The following GCN1 variants were observed in gnomAD, a reference collection of about 807,000 sequenced individuals.
GCN1 encodes GCN1 activator of EIF2AK4.
In GCN1, 90 loss-of-function variants were observed where a neutral mutation model predicts 288.4. The observed-to-expected ratio is 0.31, with a 90% CI of 0.26 to 0.37. GCN1 has a LOEUF of 0.37. Ranked by LOEUF, GCN1 falls within the 10% of genes least tolerant of loss-of-function variation. GCN1 has a pLI of 1.00. For synonymous variants in GCN1, 1,386 were observed against 1,420.2 expected (o/e 0.98, Z 0.54); for missense variants, 2,586 against 3,419.9 (o/e 0.76, Z 6.08).
chr12:120,176,068 T>G, intron 10 of GCN1, 75 bp downstream of exon 10: 1 of 1,297,208 alleles, frequency 7.7e-7, no homozygotes, highest in Non-Finnish European at 1.1e-6. Context: ...CCCCTACCCC[T>G]GCTACAACAA....
intron 11 of GCN1, among the ~76,000 whole-genome samples, chr12:120,175,530 TA>T (rs1878453237): frequency 6.6e-6 from 1 of 152,214 alleles, no homozygotes; most frequent in Non-Finnish European, 1.5e-5. Flanking sequence ...CAAAAATGTG[TA>T]TCTTAAAAAC....
At chr12:120,176,092 A>T in intron 10 of GCN1, 51 bp downstream of exon 10, 1 of 1,421,224 alleles carries the variant, frequency 7.0e-7, no homozygotes, top group Non-Finnish European at 1.0e-6. Context: ...GGACAAGTAC[A>T]ACCAAACCCA....
At chr12:120,141,392 A>G (rs1467889459) in intron 44 of GCN1, among the ~76,000 whole-genome samples, 1 of 152,184 alleles carries the variant, frequency 6.6e-6, no homozygotes, top group East Asian at 1.9e-4. Context: ...TTAAGGAAAA[A>G]AAAACATCTA....
Position 120,142,170 on chromosome 12 carries a change from TA to T in GCN1, c.5829+336del, listed in dbSNP as rs976515955. Among the ~76,000 whole-genome samples the T allele has an allele frequency of 4.6e-5, 7 of 151,576 alleles. No individual in the cohort carries two copies. Among genetic ancestry groups the T allele is most frequent in the Non-Finnish European group, 8.8e-5 (6 of 67,898 alleles). On this transcript the variant is annotated intron_variant, in intron 44 of 57. Coordinates refer to ENST00000300648, the MANE Select transcript of GCN1 (RefSeq NM_006836.2). The surrounding 1 kb of genome is among the most constrained non-coding windows in gnomAD (Gnocchi z 4.9). ...TGAAACCCCGTCTCTACTAAAAATATAAAAAAATGGCCAGGTGTGGTGGTGG... is the reference window on the plus strand; with the variant it reads ...TGAAACCCCGTCTCTACTAAAAATATAAAAAATGGCCAGGTGTGGTGGTGG...
intron 2 of GCN1, among the ~76,000 whole-genome samples, chr12:120,185,653 T>C (rs888087358): frequency 6.6e-6 from 1 of 152,092 alleles, no homozygotes; most frequent in African/African-American, 2.4e-5. Context: ...CCGGCTGGAG[T>C]GCAGTAGTGC....
intron 16 of GCN1, 131 bp downstream of exon 16, chr12:120,168,077 G>A (rs757099678): frequency 6.9e-4 from 470 of 685,284 alleles, no homozygotes; most frequent in Non-Finnish European, 1.1e-3. Flanking sequence ...CAACAGCTAA[G>A]CTGTTGGCCA....
At position 120,173,655 on chromosome 12, in the gene GCN1, C is replaced by T. The variant is rs909142137; in HGVS notation, c.1364G>A (p.Arg455Gln). Residue 455 changes from arginine to glutamine, a missense_variant and splice_region_variant, in exon 14 of 58, where the codon CGG becomes CAG. Around this residue, in one of 8 missense-constraint regions of GCN1, gnomAD observed 913 missense variants for 1,107.0 expected, o/e 0.82. Transcript: ENST00000300648. The part of the protein sequence containing the change: ...AYLQCMLASY[R>Q]GDTLLQALDL... ...ACTAGCCCTGGGAGTTGTCTTACCCCGGTAAGAGGCCAACATGCACTGCAG... is the reference window on the plus strand; with the variant it reads ...ACTAGCCCTGGGAGTTGTCTTACCCTGGTAAGAGGCCAACATGCACTGCAG... 8.2e-6 allele frequency: 13 copies of T among 1,590,058 alleles called. No homozygotes were observed. Among genetic ancestry groups the T allele is most frequent in the East Asian group, 2.2e-5 (1 of 44,782 alleles).
chr12:120,165,200 A>G (rs1878081175), intron 16 of GCN1, among the ~76,000 whole-genome samples: 1 of 150,298 alleles, frequency 6.7e-6, no homozygotes. Flanking sequence ...GCACCCGCTA[A>G]TTTTTTTATA....
At position 120,186,573 on chromosome 12, in the gene GCN1, C is replaced by T. The variant is rs950192175; in HGVS notation, c.122-1686G>A. ...ATACCATTCCTCACACTTCAGGCACCTGAATGATGGAAGAGAAATGAATGA... is the reference window on the plus strand; with the variant it reads ...ATACCATTCCTCACACTTCAGGCACTTGAATGATGGAAGAGAAATGAATGA... On this transcript the variant is annotated intron_variant, in intron 2 of 57. Coordinates refer to ENST00000300648, the MANE Select transcript of GCN1 (RefSeq NM_006836.2). Among the ~76,000 whole-genome samples, 8 of 152,244 alleles carry T rather than the reference C, an allele frequency of 5.3e-5. No individual in the cohort carries two copies. The South Asian group carries it at 1.2e-3, about 24-fold the overall frequency.
At chr12:120,187,213 CTTT>C (rs869025899) in intron 2 of GCN1, among the ~76,000 whole-genome samples, 10 of 135,230 alleles carry the variant, frequency 7.4e-5, no homozygotes, top group Non-Finnish European at 8.1e-5. Context: ...CCATGATTTT[CTTT>C]TTTTTTTTTT....
chr12:120,188,028 C>T (rs1878877914), intron 2 of GCN1, among the ~76,000 whole-genome samples: 3 of 152,162 alleles, frequency 2.0e-5, no homozygotes, highest in African/African-American at 7.2e-5. Context: ...ATGTGTTCCC[C>T]AGACCCTCAA....
chr12:120,140,702 C>T (rs1328301063), intron 45 of GCN1, among the ~76,000 whole-genome samples, 157 bp downstream of exon 45: 1 of 152,192 alleles, frequency 6.6e-6, no homozygotes, highest in Non-Finnish European at 1.5e-5. Context: ...GCCTCAAGTC[C>T]ATGTGGCCCA....
intron 33 of GCN1, among the ~76,000 whole-genome samples, chr12:120,151,798 T>C (rs79591386): frequency 2.6e-5 from 4 of 152,228 alleles, no homozygotes; most frequent in East Asian, 1.9e-4. Context: ...CACAGAGAAA[T>C]TGGGCAGGGC....
intron 4 of GCN1, 134 bp downstream of exon 4, chr12:120,183,978 T>A: frequency 1.2e-6 from 1 of 836,728 alleles, no homozygotes; most frequent in Non-Finnish European, 1.9e-6. Flanking sequence ...TTCCCAACCC[T>A]GCTCCTCGGG....
rs1320991935 is a variant in GCN1 at position 120,136,488 on chromosome 12, C to T, written c.7008+14G>A. On this transcript the variant is annotated intron_variant, in intron 51 of 57. Coordinates refer to ENST00000300648, the MANE Select transcript of GCN1 (RefSeq NM_006836.2). ...CTGTTCTCTAAGATCTGAACAAACT[C>T]ATCAGCCACTCACCTTAGCCAACAA... The T allele has an allele frequency of 5.7e-6, 9 of 1,591,406 alleles. No homozygotes were observed. The East Asian group carries it at 1.1e-4, about 20-fold the overall frequency.
chr12:120,168,548 C>T, intron 15 of GCN1: 1 of 431,994 alleles, frequency 2.3e-6, no homozygotes, highest in Non-Finnish European at 4.2e-6. Context: ...AATTCCCATC[C>T]ACCCCAGGCG....
intron 2 of GCN1, among the ~76,000 whole-genome samples, chr12:120,189,275 G>C (rs1878925879): frequency 6.6e-6 from 1 of 151,848 alleles, no homozygotes; most frequent in Non-Finnish European, 1.5e-5. Context: ...GTTTCACCAT[G>C]TTGGTCAGGC....
chr12:120,174,472 G>A (rs1369786231), intron 12 of GCN1, among the ~76,000 whole-genome samples: 5 of 152,128 alleles, frequency 3.3e-5, no homozygotes, highest in African/African-American at 1.2e-4. Context: ...AGAAGGCTTC[G>A]CCTTACCTAA....
rs1291906079 is a variant in GCN1, at chr12:120,134,525, C to T, written c.7202+8G>A. 7 of 1,611,594 alleles carry T rather than the reference C, an allele frequency of 4.3e-6. No homozygotes were observed. The highest frequency in any genetic ancestry group is 4.5e-5 in the East Asian group (2 of 44,844). On this transcript the variant is annotated splice_region_variant and intron_variant, in intron 52 of 57. Transcript: ENST00000300648. This position sits in a 1 kb window ranked among gnomAD's most constrained non-coding sequence, Gnocchi z 5.0. The stretch of plus-strand genomic sequence containing the variant: ...GGAGGCCACAGTGCTCCCTTGCCAG[C>T]GCCGTACCTGACACCTGGGTCCTCC...
Sources: allele counts gnomAD v4.1 joint callset (sites outside exome capture counted in the v4.1 genomes callset), GRCh38; gene constraint gnomAD v4.1.1; regional missense constraint gnomAD v4.1.1; non-coding constraint Gnocchi (gnomAD v3.1); transcripts MANE v1.5; gene names NCBI Gene and HGNC (gene_info 2026-07-23, HGNC 2026-07-21).